Variants in MALT1 observed in about 807,000 individuals in gnomAD.
MALT1 encodes the protein mucosa-associated lymphoid tissue lymphoma translocation protein 1.
MALT1 carries 36 observed loss-of-function variants against 85.5 expected under a neutral mutation model. The ratio of observed to expected loss-of-function variants is 0.42; its 90% CI spans 0.32 to 0.56. The LOEUF is 0.56. MALT1 is among the 20% of genes least tolerant of loss of function. The pLI, the probability that MALT1 is intolerant of heterozygous loss-of-function variation, is 0.10. For synonymous variants in MALT1, 359 were observed against 361.3 expected, an observed-to-expected ratio of 0.99 and a Z score of 0.07; for missense variants, 716 against 981.6, an observed-to-expected ratio of 0.73 and a Z score of 3.62.
chr18:58,700,067 T>A (rs1405392712), intron 3 of MALT1, among the ~76,000 whole-genome samples: 1 of 152,234 alleles, frequency 6.6e-6, no homozygotes, highest in Non-Finnish European at 1.5e-5. Flanking sequence ...CTCTGTGTTT[T>A]CTCTATGCCG....
intron 7 of MALT1, among the ~76,000 whole-genome samples, chr18:58,711,690 C>T (rs2054832969): frequency 6.6e-6 from 1 of 151,946 alleles, no homozygotes; most frequent in Admixed American, 6.6e-5. Flanking sequence ...GTATTTTTTT[C>T]AATTTCTGCC....
intron 10 of MALT1, among the ~76,000 whole-genome samples, chr18:58,728,405 A>G (rs1236581367): frequency 1.6e-5 from 2 of 122,002 alleles, no homozygotes; most frequent in Admixed American, 7.9e-5. Context: ...GGAGTTTGAG[A>G]CCAGCCTTGG....
chr18:58,737,661 C>T (rs1238208791), intron 13 of MALT1, among the ~76,000 whole-genome samples: 1 of 152,154 alleles, frequency 6.6e-6, no homozygotes, highest in Non-Finnish European at 1.5e-5. Flanking sequence ...TGGCTTACTG[C>T]AACGTCCACC....
chr18:58,708,129 C>T lies in MALT1; in HGVS notation c.650-1249C>T, dbSNP rs190685930. Reference sequence around the variant, plus strand: ...TGCATTCACTGAGGGCCTCGTGGGCCTCCAAGGGTTTCCCTCAGGCCTCTG... The same window carrying T: ...TGCATTCACTGAGGGCCTCGTGGGCTTCCAAGGGTTTCCCTCAGGCCTCTG... On this transcript the variant is annotated intron_variant, in intron 4 of 16. Coordinates refer to ENST00000649217, the MANE Select transcript of MALT1 (RefSeq NM_006785.4). Among the ~76,000 whole-genome samples, 3 of 152,338 alleles carry T rather than the reference C, an allele frequency of 2.0e-5. No homozygotes were observed. In the East Asian group the frequency reaches 5.8e-4, roughly 29 times the overall value.
In MALT1 at chr18:58,749,381, G is replaced by A. The variant is rs549914158; in HGVS notation, c.*1539G>A. 4.6e-6 allele frequency: 1 copy of A among 216,658 alleles called. No homozygotes were observed. The highest frequency in any genetic ancestry group is 2.2e-5 in the African/African-American group (1 of 44,550). The allele number at this position is 216,658 out of a possible 1,614,324, so 13.4% of individuals were successfully genotyped here. A position where few individuals can be genotyped will look rare whatever the true frequency, so the allele number is the denominator to read the frequency against. Reference sequence around the variant, plus strand: ...CATGCCTGAGGCACCCCCCTAACAGGTGTCAGAGCTGAAATTCAAACCCCA... The same window carrying A: ...CATGCCTGAGGCACCCCCCTAACAGATGTCAGAGCTGAAATTCAAACCCCA... On this transcript the variant is annotated 3_prime_UTR_variant, in exon 17 of 17. Coordinates refer to ENST00000649217, the MANE Select transcript of MALT1 (RefSeq NM_006785.4).
chr18:58,733,857 A>G (rs2055188318), intron 11 of MALT1: 1 of 1,192,884 alleles, frequency 8.4e-7, no homozygotes, highest in African/African-American at 1.6e-5. Flanking sequence ...GATGACTTTA[A>G]TAATCACTAT....
At chr18:58,686,358 T>C (rs936591104) in intron 2 of MALT1, among the ~76,000 whole-genome samples, 1 of 152,234 alleles carries the variant, frequency 6.6e-6, no homozygotes, top group Non-Finnish European at 1.5e-5. Context: ...GTGAAAACAT[T>C]GTGAGTGTAG....
At position 58,748,079 on chromosome 18, in the gene MALT1, G is replaced by A. The variant is rs2055396450; in HGVS notation, c.*237G>A. On this transcript the variant is annotated 3_prime_UTR_variant, in exon 17 of 17. Transcript: ENST00000649217. ...TAGTTCTATACAAATGAAGTATGGA[G>A]GTGTGTATGTTTATATGTATATAAC... 1 of 502,516 alleles carries A rather than the reference G, an allele frequency of 2.0e-6. No individual in the cohort carries two copies. The highest frequency in any genetic ancestry group is 2.2e-5 in the South Asian group (1 of 45,836). 31.1% of individuals were successfully genotyped at this position (502,516 alleles called of 1,614,324 possible).
Position 58,671,745 on chromosome 18 carries a change from G to A in MALT1, c.102G>A (p.Arg34=). 7.8e-7 allele frequency: 1 copy of A among 1,277,392 alleles called. No individual in the cohort carries two copies. The highest frequency in any genetic ancestry group is 9.9e-7 in the Non-Finnish European group (1 of 1,012,286). The allele number at this position is 1,277,392 out of a possible 1,614,324, so 79.1% of individuals were successfully genotyped here. The change falls in exon 1 of 17, where the codon CGG becomes CGA. Residue 34 remains arginine (R), a synonymous_variant. Coordinates refer to ENST00000649217, the MANE Select transcript of MALT1 (RefSeq NM_006785.4). ...PPAGATLNRL[R]EPLLRRLSEL... ...CCGGCGCGACCCTCAACCGCCTGCG[G>A]GAGCCGCTGCTGCGGAGGCTCAGCG...
chr18:58,740,973 A>T (rs952811904), intron 13 of MALT1, among the ~76,000 whole-genome samples: 1 of 152,060 alleles, frequency 6.6e-6, no homozygotes, highest in Non-Finnish European at 1.5e-5. Context: ...TTATGTAGTG[A>T]TGCCTCCATT....
chr18:58,749,730 T>C lies in MALT1; in HGVS notation c.*1888T>C, dbSNP rs1206926575. The C allele has an allele frequency of 4.6e-6, 1 of 219,416 alleles. No individual in the cohort carries two copies. Among genetic ancestry groups the C allele is most frequent in the African/African-American group, 2.2e-5 (1 of 44,630 alleles). 13.6% of individuals were successfully genotyped at this position (219,416 alleles called of 1,614,324 possible). On this transcript the variant is annotated 3_prime_UTR_variant, in exon 17 of 17. Coordinates refer to ENST00000649217, the MANE Select transcript of MALT1 (RefSeq NM_006785.4). ...ACAAAACCCACACAGATTGTCTTAT[T>C]ACAGCATTTGATAAAATCCAAAACT...
chr18:58,707,709 A>G (rs1438096776), intron 4 of MALT1, among the ~76,000 whole-genome samples: 1 of 152,182 alleles, frequency 6.6e-6, no homozygotes, highest in East Asian at 1.9e-4. Context: ...ACATTAACAT[A>G]TAGAGATTGA....
intron 3 of MALT1, among the ~76,000 whole-genome samples, chr18:58,697,901 C>T (rs992078575): frequency 2.0e-5 from 3 of 152,096 alleles, no homozygotes; most frequent in African/African-American, 4.8e-5. Context: ...AGAGCTTACA[C>T]GCCAGTGGGG....
intron 2 of MALT1, among the ~76,000 whole-genome samples, chr18:58,695,009 A>G (rs1354409765): frequency 2.6e-5 from 4 of 152,068 alleles, no homozygotes; most frequent in Admixed American, 2.6e-4. Flanking sequence ...TCATGGGGGC[A>G]GGTCTTTCTC....
At chr18:58,679,340 C>A (rs987222828) in intron 1 of MALT1, among the ~76,000 whole-genome samples, 1 of 152,186 alleles carries the variant, frequency 6.6e-6, no homozygotes, top group Non-Finnish European at 1.5e-5. Context: ...CATAGAGGGC[C>A]CAATGGTAAA....
At chr18:58,708,627 G>T (rs1187945513) in intron 4 of MALT1, among the ~76,000 whole-genome samples, 1 of 152,206 alleles carries the variant, frequency 6.6e-6, no homozygotes, top group African/African-American at 2.4e-5. Context: ...CCCCGGTAAG[G>T]TGTCCATGTG....
chr18:58,726,456 G>A (rs1343786062), intron 10 of MALT1, among the ~76,000 whole-genome samples: 1 of 152,130 alleles, frequency 6.6e-6, no homozygotes, highest in Non-Finnish European at 1.5e-5. Context: ...AGGGCTGTGG[G>A]GGAAGATGGA....
In MALT1 at chr18:58,699,647, G is replaced by A. The variant is rs555833801; in HGVS notation, c.499-794G>A. On this transcript the variant is annotated intron_variant, in intron 3 of 16. Transcript: ENST00000649217. ...AAATGTTCCAGTGAGCATGATGGAGGTGCTCAAAGAGTTTTGAATTTGGGA... is the reference window on the plus strand; with the variant it reads ...AAATGTTCCAGTGAGCATGATGGAGATGCTCAAAGAGTTTTGAATTTGGGA... 2.6e-5 allele frequency among the ~76,000 whole-genome samples: 4 copies of A among 152,346 alleles called. No homozygotes were observed. In the South Asian group the frequency reaches 8.3e-4, roughly 32 times the overall value.
At chr18:58,686,277 T>C (rs1451251947) in intron 2 of MALT1, among the ~76,000 whole-genome samples, 1 of 152,218 alleles carries the variant, frequency 6.6e-6, no homozygotes, top group Non-Finnish European at 1.5e-5. Context: ...TCCGTCCGCC[T>C]CGGCCTCCCA....
Sources: gnomAD v4.1 joint callset for allele counts (sites outside exome capture counted in the v4.1 genomes callset) on GRCh38, gnomAD v4.1.1 for gene constraint, MANE v1.5 for transcripts, NCBI Gene and HGNC (gene_info 2026-07-23, HGNC 2026-07-21) for gene names.